SLC26A7: variants seen among roughly 807,000 people sequenced by gnomAD.
SLC26A7 encodes the protein solute carrier family 26 member 7, also known as anion exchange transporter.
Under a neutral mutation model 82.5 loss-of-function variants are expected in SLC26A7, and 59 were observed. The ratio of observed to expected loss-of-function variants is 0.72; its 90% CI spans 0.58 to 0.89. The LOEUF is 0.89. SLC26A7 is among the 40% of genes least tolerant of loss of function. SLC26A7 has a pLI of 0.00. For synonymous variants in SLC26A7, 271 were observed against 274.3 expected, an observed-to-expected ratio of 0.99 and a Z score of 0.12; for missense variants, 820 against 793.0, an observed-to-expected ratio of 1.03 and a Z score of -0.41.
intron 15 of SLC26A7, among the ~76,000 whole-genome samples, chr8:91,372,950 T>TA (rs1383432110): frequency 2.0e-5 from 3 of 151,938 alleles, no homozygotes; most frequent in African/African-American, 7.2e-5. Flanking sequence ...CGTCCTTGTG[T>TA]AAATGTGTTC....
chr8:91,334,564 T>G, intron 6 of SLC26A7, 117 bp downstream of exon 6: 1 of 841,998 alleles, frequency 1.2e-6, no homozygotes, highest in Non-Finnish European at 1.7e-6. Flanking sequence ...TGTCTCTCAT[T>G]AAAGCAGGGC....
At chr8:91,393,690 C>G in intron 16 of SLC26A7, 107 bp from the exon 17 acceptor site, 2 of 1,227,974 alleles carry the variant, frequency 1.6e-6, no homozygotes, top group Non-Finnish European at 2.3e-6. Context: ...GGTTTGACTT[C>G]GTAAACATCG....
intron 15 of SLC26A7, among the ~76,000 whole-genome samples, chr8:91,371,139 A>G (rs1479680482): frequency 6.6e-6 from 1 of 152,046 alleles, no homozygotes; most frequent in South Asian, 2.1e-4. Flanking sequence ...ATGAAATAGC[A>G]TTATACATTT....
At chr8:91,313,206 A>G (rs945928841) in intron 4 of SLC26A7, among the ~76,000 whole-genome samples, 2 of 152,062 alleles carry the variant, frequency 1.3e-5, no homozygotes, top group Non-Finnish European at 2.9e-5. Context: ...TTGCTTGTGG[A>G]TATACAATTT....
intron 2 of SLC26A7, 41 bp downstream of exon 2, chr8:91,249,885 G>A: frequency 3.5e-6 from 5 of 1,413,852 alleles, no homozygotes; most frequent in Non-Finnish European, 4.7e-6. Context: ...ATGCAGAGTA[G>A]ATGTCACTTT....
chr8:91,231,762 G>C (rs1036568371), intron 2 of SLC26A7, among the ~76,000 whole-genome samples: 12 of 151,898 alleles, frequency 7.9e-5, no homozygotes, highest in Non-Finnish European at 1.3e-4. Context: ...ATGACATAGG[G>C]AACTCTGTGT....
intron 5 of SLC26A7, among the ~76,000 whole-genome samples, chr8:91,320,864 G>A (rs1248645359): frequency 6.6e-6 from 1 of 152,184 alleles, no homozygotes; most frequent in Non-Finnish European, 1.5e-5. Flanking sequence ...GCTGATGAGA[G>A]ATAAAGCCCA....
intron 15 of SLC26A7, among the ~76,000 whole-genome samples, chr8:91,384,073 A>G (rs750908437): frequency 1.3e-5 from 2 of 152,192 alleles, no homozygotes; most frequent in Non-Finnish European, 2.9e-5. Flanking sequence ...ATAAATTGCC[A>G]TGAATTTAGT....
intron 14 of SLC26A7, among the ~76,000 whole-genome samples, chr8:91,367,435 A>C (rs547313159): frequency 6.6e-6 from 1 of 152,346 alleles, no homozygotes; most frequent in South Asian, 2.1e-4. Context: ...AATGTTCCAG[A>C]ATTCTTTATC....
At chr8:91,272,000 C>T (rs1309348038) in intron 2 of SLC26A7, among the ~76,000 whole-genome samples, 1 of 151,018 alleles carries the variant, frequency 6.6e-6, no homozygotes, top group Non-Finnish European at 1.5e-5. Flanking sequence ...GAAAGAGTGT[C>T]AGGATCTACA....
chr8:91,318,375 T>G lies in SLC26A7; in HGVS notation c.637T>G (p.Phe213Val), dbSNP rs771655704. 1.9e-6 allele frequency: 3 copies of G among 1,598,480 alleles called. No homozygotes were observed. The highest frequency in any genetic ancestry group is 2.6e-6 in the Non-Finnish European group (3 of 1,170,816). The change falls in exon 5 of 19, where the codon TTT (phenylalanine) becomes GTT (valine). Residue 213 changes from phenylalanine (F) to valine (V), a missense_variant. By Grantham distance (50) the Phe-to-Val change is conservative. Transcript: ENST00000276609. Reference protein sequence around the residue: ...MPYISGPLGFFYIYAYVFENI... With the variant: ...MPYISGPLGFVYIYAYVFENI... ...ATATATATCCGGACCACTTGGATTC[T>G]TTTATGTGAGTTTTTCGTATGCTTT...
At chr8:91,261,900 T>A (rs1210663771) in intron 2 of SLC26A7, among the ~76,000 whole-genome samples, 2 of 152,102 alleles carry the variant, frequency 1.3e-5, no homozygotes, top group African/African-American at 4.8e-5. Flanking sequence ...AAAGAGAAAC[T>A]TAGAGCTTAC....
chr8:91,352,084 T>A (rs926122764), intron 10 of SLC26A7, among the ~76,000 whole-genome samples, 197 bp downstream of exon 10: 1 of 152,014 alleles, frequency 6.6e-6, no homozygotes, highest in African/African-American at 2.4e-5. Flanking sequence ...TGGCTGTTTT[T>A]TTTTACGTTT....
At chr8:91,210,413 C>A (rs1394266633) in intron 1 of SLC26A7, among the ~76,000 whole-genome samples, 1 of 152,076 alleles carries the variant, frequency 6.6e-6, no homozygotes, top group African/African-American at 2.4e-5. Context: ...CAATAGCTAT[C>A]TTTGTATATT....
chr8:91,268,806 G>A (rs1586343131), intron 2 of SLC26A7, among the ~76,000 whole-genome samples: 2 of 151,426 alleles, frequency 1.3e-5, no homozygotes, highest in African/African-American at 4.8e-5. Flanking sequence ...TAAAGAGAAA[G>A]TCTGTTCTGC....
At chr8:91,370,618 G>T (rs936111156) in intron 15 of SLC26A7, among the ~76,000 whole-genome samples, 2 of 152,014 alleles carry the variant, frequency 1.3e-5, no homozygotes, top group Admixed American at 6.6e-5. Flanking sequence ...TTCTCTAGAA[G>T]TTTAATTATC....
At chr8:91,241,375 A>G (rs1810471703) in intron 2 of SLC26A7, among the ~76,000 whole-genome samples, 1 of 152,162 alleles carries the variant, frequency 6.6e-6, no homozygotes, top group East Asian at 1.9e-4. Context: ...GTGATTATGG[A>G]ACATATTTTC....
chr8:91,305,536 G>C (rs1023151994), intron 4 of SLC26A7, among the ~76,000 whole-genome samples: 2 of 152,024 alleles, frequency 1.3e-5, no homozygotes, highest in Admixed American at 1.3e-4. Flanking sequence ...GTTTTATTGA[G>C]CTCATATTTC....
intron 5 of SLC26A7, among the ~76,000 whole-genome samples, chr8:91,319,257 A>G (rs776999187): frequency 6.6e-6 from 1 of 152,178 alleles, no homozygotes; most frequent in Non-Finnish European, 1.5e-5. Context: ...TGATTGTTTC[A>G]GTAGGATAAG....
Sources: gnomAD v4.1 joint callset for allele counts (sites outside exome capture counted in the v4.1 genomes callset) on GRCh38, gnomAD v4.1.1 for gene constraint, MANE v1.5 for transcripts, NCBI Gene and HGNC (gene_info 2026-07-23, HGNC 2026-07-21) for gene names.